DPH6: variants seen among roughly 807,000 people sequenced by gnomAD.
DPH6 encodes the protein diphthamine biosynthesis 6, also known as diphthine--ammonia ligase.
DPH6 carries 33 observed loss-of-function variants against 38.2 expected under a neutral mutation model. The ratio of observed to expected loss-of-function variants is 0.86; its 90% CI spans 0.65 to 1.15. The LOEUF is 1.15. Among genes scored for constraint, DPH6 ranks in the 50% most tolerant of loss-of-function variants. The pLI is 0.00. For synonymous variants in DPH6, 108 were observed against 103.0 expected, an observed-to-expected ratio of 1.05 and a Z score of -0.30; for missense variants, 325 against 320.0, an observed-to-expected ratio of 1.02 and a Z score of -0.12.
intron 6 of DPH6, chr15:35,401,419 G>T (rs373529346): frequency 1.0e-5 from 8 of 769,918 alleles, no homozygotes; most frequent in Non-Finnish European, 1.9e-5. Flanking sequence ...TGGAGGAAGC[G>T]GCCCTGGTTA....
chr15:35,480,033 C>T (rs1207435185), intron 3 of DPH6, among the ~76,000 whole-genome samples: 1 of 151,558 alleles, frequency 6.6e-6, no homozygotes, highest in Non-Finnish European at 1.5e-5. Flanking sequence ...GTAGTGAAAA[C>T]ATTATGCTTT....
intron 2 of DPH6, among the ~76,000 whole-genome samples, 155 bp from the exon 3 acceptor site, chr15:35,538,622 TAAG>T (rs2055208241): frequency 6.6e-6 from 1 of 152,156 alleles, no homozygotes; most frequent in South Asian, 2.1e-4. Flanking sequence ...AATAAAAACA[TAAG>T]AATTGCACAT....
At chr15:35,425,168 T>C (rs1018108278) in intron 5 of DPH6, among the ~76,000 whole-genome samples, 1 of 151,574 alleles carries the variant, frequency 6.6e-6, no homozygotes, top group African/African-American at 2.4e-5. Flanking sequence ...TTTTAATACA[T>C]AAATGTTGGG....
At chr15:35,294,400 C>T (rs2052000622) in intron 3 of DPH6, among the ~76,000 whole-genome samples, 1 of 152,160 alleles carries the variant, frequency 6.6e-6, no homozygotes, top group Non-Finnish European at 1.5e-5. Flanking sequence ...TAGTTCTTTG[C>T]TTTCAGACAG....
chr15:35,147,321 A>G, the DPH6 span, among the ~76,000 whole-genome samples: 3 of 152,214 alleles, frequency 2.0e-5, no homozygotes, highest in African/African-American at 7.2e-5. Context: ...TCACAATGCT[A>G]TCATACTTTA....
the DPH6 span, among the ~76,000 whole-genome samples, chr15:35,181,995 T>C: frequency 7.2e-6 from 1 of 139,408 alleles, no homozygotes; most frequent in East Asian, 3.6e-4. Flanking sequence ...AAGATGTATG[T>C]AATTACTAAA....
intron 3 of DPH6, among the ~76,000 whole-genome samples, chr15:35,347,597 A>ACTAAATATTTAGACTAAATATTTG (rs375987019): frequency 6.6e-6 from 1 of 151,808 alleles, no homozygotes; most frequent in African/African-American, 2.4e-5. Flanking sequence ...ATAAACTTGG[A>ACTAAATATTTAGACTAAATATTTG]GTCCAAATAT....
At chr15:35,491,186 T>C (rs938549278) in intron 3 of DPH6, among the ~76,000 whole-genome samples, 3 of 149,648 alleles carry the variant, frequency 2.0e-5, no homozygotes, top group Non-Finnish European at 4.5e-5. Context: ...CACACACACA[T>C]ATAACATAAA....
chr15:35,485,883 C>T (rs1374263090), intron 3 of DPH6, among the ~76,000 whole-genome samples: 1 of 152,160 alleles, frequency 6.6e-6, no homozygotes, highest in Admixed American at 6.5e-5. Flanking sequence ...CTCTTCCTTC[C>T]CTGTACCCAC....
In DPH6 at chr15:35,538,465, C is replaced by A; in HGVS notation, c.121G>T (p.Gly41Trp). The change falls in exon 3 of 9, where the codon GGG becomes TGG. Residue 41 changes from glycine (G) to tryptophan (W), a missense_variant and splice_region_variant. Gly to Trp is a radical substitution (Grantham distance 184, BLOSUM62 -2). Coordinates refer to ENST00000256538, the MANE Select transcript of DPH6 (RefSeq NM_080650.4). The stretch of plus-strand genomic sequence containing the variant: ...ATGTAGCTATCCAGTTCATCAGACC[C>A]CACTGCAACAATTAAAATGGAAATA... ...ANLRPAENQV[G>W]SDELDSYMYQ... The A allele has an allele frequency of 2.0e-6, 3 of 1,511,792 alleles. No individual in the cohort carries two copies. Among genetic ancestry groups the A allele is most frequent in the Non-Finnish European group, 2.7e-6 (3 of 1,113,950 alleles). 93.6% of individuals were successfully genotyped at this position (1,511,792 alleles called of 1,614,324 possible). A position where few individuals can be genotyped will look rare whatever the true frequency, so the allele number is the denominator to read the frequency against.
intron 6 of DPH6, among the ~76,000 whole-genome samples, chr15:35,399,703 A>G (rs975622496): frequency 2.0e-5 from 3 of 152,328 alleles, no homozygotes; most frequent in Admixed American, 1.3e-4. Context: ...GGGCTTTTCA[A>G]CAGTACACCA....
chr15:35,545,958 C>G (rs1011239514), intron 1 of DPH6, among the ~76,000 whole-genome samples, 161 bp downstream of exon 1: 1 of 149,292 alleles, frequency 6.7e-6, no homozygotes, highest in African/African-American at 2.4e-5. Context: ...ACATGCGGGC[C>G]GGCAACAGCG....
chr15:35,252,810 A>G (rs752834066), intron 3 of DPH6, among the ~76,000 whole-genome samples: 22 of 152,350 alleles, frequency 1.4e-4, no homozygotes, highest in Middle Eastern at 3.4e-3. Context: ...TACATACTCT[A>G]TAATTTTTTA....
intron 5 of DPH6, among the ~76,000 whole-genome samples, chr15:35,426,422 G>T (rs981931862): frequency 1.3e-5 from 2 of 151,730 alleles, no homozygotes; most frequent in African/African-American, 4.8e-5. Context: ...TTCTAAGAAG[G>T]TTATTGCAAT....
the DPH6 span, among the ~76,000 whole-genome samples, chr15:35,190,020 T>C: frequency 1.9e-4 from 29 of 152,268 alleles, no homozygotes; most frequent in East Asian, 3.9e-3. Context: ...ATAATAAAAT[T>C]TCAGGGAAGA....
intron 3 of DPH6, among the ~76,000 whole-genome samples, chr15:35,532,424 T>C (rs1008455508): frequency 9.5e-4 from 145 of 152,256 alleles, no homozygotes; most frequent in African/African-American, 3.3e-3. Context: ...GGTCAGATTT[T>C]AGAAGTCATA....
chr15:35,439,612 G>C (rs1408298720), intron 5 of DPH6, among the ~76,000 whole-genome samples: 2 of 152,108 alleles, frequency 1.3e-5, no homozygotes, highest in Non-Finnish European at 2.9e-5. Flanking sequence ...GTCTATAGTA[G>C]ATACCCTGTC....
downstream of DPH6, among the ~76,000 whole-genome samples, chr15:35,366,139 G>A (rs1444692751): frequency 1.3e-5 from 2 of 151,764 alleles, no homozygotes; most frequent in African/African-American, 4.8e-5. Flanking sequence ...TGGGATCCTT[G>A]AGTTTATACA....
At chr15:35,312,010 GAAAAAA>G (rs10573455) in intron 3 of DPH6, among the ~76,000 whole-genome samples, 1,246 of 102,184 alleles carry the variant, frequency 0.012, 15 homozygotes, top group African/African-American at 0.042. Flanking sequence ...TTAAGAAAAT[GAAAAAA>G]AAAAAAAAAA....
Sources: gnomAD v4.1 joint callset for allele counts (sites outside exome capture counted in the v4.1 genomes callset) on GRCh38, gnomAD v4.1.1 for gene constraint, MANE v1.5 for transcripts, NCBI Gene and HGNC (gene_info 2026-07-23, HGNC 2026-07-21) for gene names.